MDGA2: variants seen among roughly 807,000 people sequenced by gnomAD.
MDGA2 encodes MAM domain containing glycosylphosphatidylinositol anchor 2.
In MDGA2, 40 loss-of-function variants were observed where a neutral mutation model predicts 117.8. The observed-to-expected ratio is 0.34, with a 90% CI of 0.26 to 0.44. The LOEUF is 0.44. MDGA2 is among the 20% of genes least tolerant of loss of function. The pLI is 1.00. For synonymous variants in MDGA2, 452 were observed against 439.0 expected (o/e 1.03, Z -0.37); for missense variants, 1,123 against 1,250.6 (o/e 0.90, Z 1.54).
chr14:47,389,701 C>T (rs1327057275), intron 1 of MDGA2, among the ~76,000 whole-genome samples: 1 of 151,896 alleles, frequency 6.6e-6, no homozygotes, highest in Non-Finnish European at 1.5e-5. Context: ...GGCAAAATAC[C>T]GCCCTACTTT....
rs564675809 is a variant in MDGA2 at position 47,163,890 on chromosome 14, C to G, written c.596-19616G>C. Among the ~76,000 whole-genome samples the G allele has an allele frequency of 9.2e-5, 14 of 152,284 alleles. No homozygotes were observed. The South Asian group carries it at 2.3e-3, about 25-fold the overall frequency. On this transcript the variant is annotated intron_variant, in intron 3 of 16. Coordinates refer to ENST00000399232, the MANE Select transcript of MDGA2 (RefSeq NM_001113498.3). ...CACCCTGAATTTAATATGAGCACAACAGCACACATTGAGAAATTCAGCACA... is the reference window on the plus strand; with the variant it reads ...CACCCTGAATTTAATATGAGCACAAGAGCACACATTGAGAAATTCAGCACA...
intron 1 of MDGA2, among the ~76,000 whole-genome samples, chr14:47,341,250 C>G (rs1392186986): frequency 3.3e-5 from 5 of 152,192 alleles, no homozygotes; most frequent in African/African-American, 1.2e-4. Flanking sequence ...GAAACTATTT[C>G]TTAAGAAAAT....
chr14:47,129,407 C>A lies in MDGA2; in HGVS notation c.925+2307G>T, dbSNP rs576974644. On this transcript the variant is annotated intron_variant, in intron 5 of 16. Transcript: ENST00000399232. ...ATTTCCAATTTCATCCATGTCCCCA[C>A]AAAGGACATGAACTCATCCTTTTTT... 2.0e-5 allele frequency among the ~76,000 whole-genome samples: 3 copies of A among 152,260 alleles called. No homozygotes were observed. In the South Asian group the frequency reaches 6.2e-4, roughly 32 times the overall value.
At chr14:46,897,653 AAG>A (rs538685868) in intron 10 of MDGA2, among the ~76,000 whole-genome samples, 92,664 of 150,358 alleles carry the variant, frequency 0.62, 29,690 homozygotes, top group Admixed American at 0.73. Context: ...GTTTAACAGT[AAG>A]TAAGAATTAT....
At chr14:47,519,256 TTTTTA>T (rs1380999388) in intron 1 of MDGA2, among the ~76,000 whole-genome samples, 3 of 152,106 alleles carry the variant, frequency 2.0e-5, no homozygotes, top group Non-Finnish European at 2.9e-5. Context: ...AATTAAAATA[TTTTTA>T]TTTTGTTTTT....
chr14:47,179,708 T>C (rs1884622302), intron 3 of MDGA2, among the ~76,000 whole-genome samples: 1 of 152,116 alleles, frequency 6.6e-6, no homozygotes, highest in Non-Finnish European at 1.5e-5. Flanking sequence ...AGGTGAAGAA[T>C]GTTAAACTAA....
intron 1 of MDGA2, among the ~76,000 whole-genome samples, chr14:47,542,722 A>G (rs1895377630): frequency 6.6e-6 from 1 of 152,266 alleles, no homozygotes; most frequent in South Asian, 2.1e-4. Context: ...TAAACCAGTT[A>G]AATCAGATTT....
intron 2 of MDGA2, among the ~76,000 whole-genome samples, chr14:47,234,093 C>T (rs1886780187): frequency 6.6e-6 from 1 of 151,974 alleles, no homozygotes; most frequent in South Asian, 2.1e-4. Flanking sequence ...TTACTTTTTA[C>T]ATTCAGATAA....
At chr14:47,106,218 C>G (rs1880665675) in intron 5 of MDGA2, among the ~76,000 whole-genome samples, 1 of 152,050 alleles carries the variant, frequency 6.6e-6, no homozygotes, top group African/African-American at 2.4e-5. Flanking sequence ...CATTTTATTA[C>G]CCAATCTGCT....
At chr14:47,212,593 G>T (rs1040180694) in intron 3 of MDGA2, among the ~76,000 whole-genome samples, 1 of 151,976 alleles carries the variant, frequency 6.6e-6, no homozygotes, top group Non-Finnish European at 1.5e-5. Flanking sequence ...TCTGTTTATA[G>T]ACTTATTTTT....
At chr14:47,099,813 T>C (rs539529229) in intron 5 of MDGA2, among the ~76,000 whole-genome samples, 1 of 152,192 alleles carries the variant, frequency 6.6e-6, no homozygotes, top group East Asian at 1.9e-4. Context: ...TCTTGAAGTA[T>C]TTAGATAATT....
intron 3 of MDGA2, among the ~76,000 whole-genome samples, chr14:47,154,513 C>T (rs895748566): frequency 6.6e-6 from 1 of 152,162 alleles, no homozygotes; most frequent in Non-Finnish European, 1.5e-5. Flanking sequence ...CCTGTGAAGC[C>T]CCCCTGCCCC....
At chr14:47,479,339 A>C (rs928619179) in intron 1 of MDGA2, among the ~76,000 whole-genome samples, 1 of 151,978 alleles carries the variant, frequency 6.6e-6, no homozygotes, top group Non-Finnish European at 1.5e-5. Flanking sequence ...CTAATGAAGG[A>C]TCTCTTGCCT....
At chr14:47,054,199 C>A (rs756966645) in intron 7 of MDGA2, among the ~76,000 whole-genome samples, 5 of 151,482 alleles carry the variant, frequency 3.3e-5, no homozygotes, top group Non-Finnish European at 7.4e-5. Context: ...CCCTTTCATT[C>A]ATTCTATTTC....
chr14:47,575,057 C>T (rs1296459276), intron 1 of MDGA2, among the ~76,000 whole-genome samples: 4 of 152,128 alleles, frequency 2.6e-5, no homozygotes, highest in Non-Finnish European at 5.9e-5. Context: ...TTTTGGAACA[C>T]CCATGGCTTA....
chr14:47,506,042 A>G (rs183349995), intron 1 of MDGA2, among the ~76,000 whole-genome samples: 39 of 152,298 alleles, frequency 2.6e-4, no homozygotes, highest in Admixed American at 6.5e-5. Context: ...ATAACTACTA[A>G]AATACAGAGT....
At chr14:47,555,664 G>C (rs747061740) in intron 1 of MDGA2, among the ~76,000 whole-genome samples, 1 of 152,054 alleles carries the variant, frequency 6.6e-6, no homozygotes, top group Non-Finnish European at 1.5e-5. Context: ...TAAGAAAATA[G>C]AGCAATAGTG....
At chr14:46,877,551 GT>G in intron 11 of MDGA2, 42 bp from the exon 12 acceptor site, 1 of 1,421,824 alleles carries the variant, frequency 7.0e-7, no homozygotes, top group Non-Finnish European at 9.7e-7. Flanking sequence ...AAAAAACAAT[GT>G]TAGCATGGCT....
intron 1 of MDGA2, among the ~76,000 whole-genome samples, chr14:47,614,659 G>A (rs1594944621): frequency 6.6e-6 from 1 of 152,142 alleles, no homozygotes; most frequent in East Asian, 1.9e-4. Context: ...CCCTCCAGTG[G>A]GACAAAGATC....
Sources: allele counts gnomAD v4.1 joint callset (sites outside exome capture counted in the v4.1 genomes callset), GRCh38; gene constraint gnomAD v4.1.1; transcripts MANE v1.5; gene names NCBI Gene and HGNC (gene_info 2026-07-23, HGNC 2026-07-21).